The following B3GALNT1 variants were observed in gnomAD, a reference collection of about 807,000 sequenced individuals.
B3GALNT1 encodes beta-1,3-N-acetylgalactosaminyltransferase 1 (Globoside blood group), also known as UDP-GalNAc:beta-1,3-N-acetylgalactosaminyltransferase 1.
B3GALNT1 carries 17 observed loss-of-function variants against 27.3 expected under a neutral mutation model. That is an observed-to-expected ratio of 0.62 (90% CI 0.43 to 0.94). The LOEUF (loss-of-function observed/expected upper bound fraction) is 0.94, where lower values mean the gene tolerates loss of function less well. B3GALNT1 is among the 40% of genes least tolerant of loss of function. B3GALNT1 has a pLI of 0.00. For missense variants in B3GALNT1, 347 were observed against 390.0 expected (o/e 0.89, Z 0.93); for synonymous variants, 141 against 144.0 (o/e 0.98, Z 0.15).
intron 4 of B3GALNT1, among the ~76,000 whole-genome samples, chr3:161,095,316 A>T (rs963621557): frequency 1.3e-5 from 2 of 152,142 alleles, no homozygotes; most frequent in East Asian, 3.9e-4. Context: ...TAGTTCCCCC[A>T]GCACTTATTT....
chr3:161,088,816 A>G (rs1459375137), intron 4 of B3GALNT1, among the ~76,000 whole-genome samples: 1 of 152,234 alleles, frequency 6.6e-6, no homozygotes, highest in East Asian at 1.9e-4. Flanking sequence ...CATATGGATG[A>G]TGGGGGCCCT....
Position 161,101,165 on chromosome 3 carries a change from G to T in B3GALNT1, c.-61C>A, listed in dbSNP as rs754610804. 31 of 1,289,830 alleles carry T rather than the reference G, an allele frequency of 2.4e-5. 2 individuals carry two copies. The South Asian group carries it at 3.8e-4, about 16-fold the overall frequency. 79.9% of individuals were successfully genotyped at this position (1,289,830 alleles called of 1,614,324 possible). Reference sequence around the variant, plus strand: ...TTTACACTCGGGGTGAGTAGTCGGAGAGCACCACGTGATAGAGCAGCCAGC... The same window carrying T: ...TTTACACTCGGGGTGAGTAGTCGGATAGCACCACGTGATAGAGCAGCCAGC... On this transcript the variant is annotated 5_prime_UTR_variant, in exon 4 of 5. Coordinates refer to ENST00000320474, the MANE Select transcript of B3GALNT1 (RefSeq NM_003781.4).
At position 161,105,246 on chromosome 3, in the gene B3GALNT1, G is replaced by C. The variant is rs528689143; in HGVS notation, c.-320C>G. The C allele has an allele frequency of 1.3e-5, 2 of 152,428 alleles. No homozygotes were observed. The highest frequency in any genetic ancestry group is 2.1e-4 in the South Asian group (1 of 4,838). The allele number at this position is 152,428 out of a possible 1,614,324, so 9.4% of individuals were successfully genotyped here. ...CCCTTCTCACTCACCTCCTGTGCTC[G>C]GCGCGCACCCAGCTCGGAAGCGGGA... On this transcript the variant is annotated 5_prime_UTR_variant, in exon 1 of 5. Coordinates refer to ENST00000320474, the MANE Select transcript of B3GALNT1 (RefSeq NM_003781.4).
intron 4 of B3GALNT1, among the ~76,000 whole-genome samples, chr3:161,090,538 C>T (rs773636704): frequency 6.6e-6 from 1 of 151,992 alleles, no homozygotes; most frequent in Non-Finnish European, 1.5e-5. Context: ...TCTCTAACCA[C>T]AGCATAATTA....
intron 4 of B3GALNT1, among the ~76,000 whole-genome samples, chr3:161,091,162 G>A (rs1352036375): frequency 2.0e-5 from 3 of 152,094 alleles, no homozygotes; most frequent in South Asian, 2.1e-4. Flanking sequence ...CCAGCTACCC[G>A]GGAGGCTGAG....
Position 161,085,966 on chromosome 3 carries a change from G to C in B3GALNT1, c.789C>G (p.Ile263Met), listed in dbSNP as rs1253087560. The change falls in exon 5 of 5, where the codon ATC (isoleucine) becomes ATG (methionine). Residue 263 changes from isoleucine (I) to methionine (M), a missense_variant. Ile to Met is a conservative substitution (Grantham distance 10, BLOSUM62 1). Coordinates refer to ENST00000320474, the MANE Select transcript of B3GALNT1 (RefSeq NM_003781.4). ...IYEMMGHVKP[I>M]KFEDVYVGIC... ...TCCCGACATAAACATCTTCAAACTT[G>C]ATGGGTTTTACGTGACCCATCATTT... The C allele has an allele frequency of 1.9e-6, 3 of 1,599,406 alleles. No individual in the cohort carries two copies. In the South Asian group the frequency reaches 3.4e-5, roughly 18 times the overall value.
intron 4 of B3GALNT1, among the ~76,000 whole-genome samples, chr3:161,095,651 A>G (rs1727732929): frequency 6.6e-6 from 1 of 152,096 alleles, no homozygotes; most frequent in South Asian, 2.1e-4. Context: ...GGAAGTGGGG[A>G]CTTATGCCCA....
chr3:161,095,068 G>A (rs2108346919), intron 4 of B3GALNT1, among the ~76,000 whole-genome samples: 1 of 152,228 alleles, frequency 6.6e-6, no homozygotes, highest in East Asian at 1.9e-4. Flanking sequence ...CTGGACTCAA[G>A]CAATCCTCCC....
At chr3:161,104,660 C>G (rs927443674) in intron 1 of B3GALNT1, 1 of 225,914 alleles carries the variant, frequency 4.4e-6, no homozygotes, top group Non-Finnish European at 8.9e-6. Flanking sequence ...TCTCTCCGCC[C>G]GTTCTCCACA....
At chr3:161,092,471 C>A (rs1297023204) in intron 4 of B3GALNT1, among the ~76,000 whole-genome samples, 3 of 151,848 alleles carry the variant, frequency 2.0e-5, no homozygotes, top group African/African-American at 4.8e-5. Context: ...GGAAAACATA[C>A]CACACCTATC....
At chr3:161,097,252 AAAT>A (rs1428156262) in intron 4 of B3GALNT1, among the ~76,000 whole-genome samples, 2 of 152,208 alleles carry the variant, frequency 1.3e-5, no homozygotes, top group Non-Finnish European at 2.9e-5. Context: ...GAGCTACATG[AAAT>A]AATACGCGCT....
At chr3:161,104,287 A>C (rs747324843) in intron 2 of B3GALNT1, 32 bp downstream of exon 2, 1 of 1,286,842 alleles carries the variant, frequency 7.8e-7, no homozygotes, top group Non-Finnish European at 1.0e-6. Context: ...ACTTGTTCCC[A>C]GTTGAACACT....
At chr3:161,096,107 G>A (rs757262250) in intron 4 of B3GALNT1, among the ~76,000 whole-genome samples, 7 of 152,240 alleles carry the variant, frequency 4.6e-5, no homozygotes, top group Non-Finnish European at 1.0e-4. Flanking sequence ...TATATGTCCA[G>A]TGTCTAACAC....
At chr3:161,101,927 G>T (rs1293971310) in intron 3 of B3GALNT1, among the ~76,000 whole-genome samples, 2 of 152,292 alleles carry the variant, frequency 1.3e-5, no homozygotes, top group South Asian at 4.1e-4. Context: ...ATGACATGCT[G>T]CAGGAATAGG....
chr3:161,101,970 G>C (rs1425409995), intron 3 of B3GALNT1, among the ~76,000 whole-genome samples: 6 of 152,170 alleles, frequency 3.9e-5, no homozygotes, highest in African/African-American at 1.4e-4. Flanking sequence ...TTTAACAGGA[G>C]GACTTGTGTA....
Position 161,103,517 on chromosome 3 carries a change from A to G in B3GALNT1, c.-220T>C. ...AAAACACTCAGATCTGTTGTGAACT[A>G]CTGAACAGAAGAACAGAAAAAAATA... On this transcript the variant is annotated splice_region_variant and 5_prime_UTR_variant, in exon 3 of 5. An upstream open reading frame in the 5' UTR loses its in-frame stop. Coordinates refer to ENST00000320474, the MANE Select transcript of B3GALNT1 (RefSeq NM_003781.4). The G allele has an allele frequency of 8.1e-7, 1 of 1,233,590 alleles. No individual in the cohort carries two copies. The highest frequency in any genetic ancestry group is 1.3e-5 in the South Asian group (1 of 76,494). The allele number at this position is 1,233,590 out of a possible 1,614,324, so 76.4% of individuals were successfully genotyped here.
rs1721921163 is a variant in B3GALNT1 at position 161,086,459 on chromosome 3, A to G, written c.296T>C (p.Val99Ala). Residue 99 changes from valine (V) to alanine (A), a missense_variant, in exon 5 of 5, where the codon GTT (valine) becomes GCT (alanine). By Grantham distance (64) the Val-to-Ala change is moderately conservative. Coordinates refer to ENST00000320474, the MANE Select transcript of B3GALNT1 (RefSeq NM_003781.4). The part of the protein sequence containing the change: ...SDVKARQAIR[V>A]TWGEKKSWWG... ...CCAAGACTTTTTTTCACCCCAAGTA[A>G]CTCTAATGGCCTGCCTGGCTTTCAC... 9 of 1,613,924 alleles carry G rather than the reference A, an allele frequency of 5.6e-6. No homozygotes were observed. Among genetic ancestry groups the G allele is most frequent in the Non-Finnish European group, 5.9e-6 (7 of 1,180,016 alleles).
Position 161,085,807 on chromosome 3 carries a change from G to T in B3GALNT1, c.948C>A (p.Ile316=). 2 of 1,614,124 alleles carry T rather than the reference G, an allele frequency of 1.2e-6. No individual in the cohort carries two copies. The highest frequency in any genetic ancestry group is 1.7e-6 in the Non-Finnish European group (2 of 1,180,016). ...TTAGCATGACCTGCCAAAAAGTGAT[G>T]ATCTCCTTGGAAGAAAAGCCATGGG... ...IAAHGFSSKE[I]ITFWQVMLRN... The change falls in exon 5 of 5, where the codon ATC becomes ATA. Residue 316 remains isoleucine (I), a synonymous_variant. Transcript: ENST00000320474.
intron 4 of B3GALNT1, among the ~76,000 whole-genome samples, chr3:161,088,299 T>C (rs35262142): frequency 1.4e-3 from 211 of 152,328 alleles, no homozygotes; most frequent in African/African-American, 4.9e-3. Flanking sequence ...CACAACGCAA[T>C]GTAATGTTTT....
Sources: allele counts gnomAD v4.1 joint callset (sites outside exome capture counted in the v4.1 genomes callset), GRCh38; gene constraint gnomAD v4.1.1; transcripts MANE v1.5; gene names NCBI Gene and HGNC (gene_info 2026-07-23, HGNC 2026-07-21).